KCNIP3: variants seen among roughly 807,000 people sequenced by gnomAD.
KCNIP3 encodes calsenilin.
Under a neutral mutation model 35.0 loss-of-function variants are expected in KCNIP3, and 28 were observed. The ratio of observed to expected loss-of-function variants is 0.80; its 90% CI spans 0.59 to 1.10. The LOEUF (loss-of-function observed/expected upper bound fraction) is 1.10, where lower values mean the gene tolerates loss of function less well. Among genes scored for constraint, KCNIP3 ranks in the 50% least tolerant of loss-of-function variants. KCNIP3 has a pLI of 0.00. For missense variants in KCNIP3, 295 were observed against 338.4 expected (o/e 0.87, Z 1.01); for synonymous variants, 134 against 133.8 (o/e 1.00, Z -0.01).
chr2:95,380,551 C>T lies in KCNIP3; in HGVS notation c.448-1045C>T, dbSNP rs530638530. Among the ~76,000 whole-genome samples the T allele has an allele frequency of 4.6e-5, 7 of 152,278 alleles. No individual in the cohort carries two copies. The South Asian group carries it at 6.2e-4, about 14-fold the overall frequency. On this transcript the variant is annotated intron_variant, in intron 5 of 8. Transcript: ENST00000295225. Reference sequence around the variant, plus strand: ...GTGCAGGGAGGGTTTCACCTTTAAACCTTCCAAGAGGTAGGGGGAAAACCT... The same window carrying T: ...GTGCAGGGAGGGTTTCACCTTTAAATCTTCCAAGAGGTAGGGGGAAAACCT...
intron 5 of KCNIP3, among the ~76,000 whole-genome samples, chr2:95,379,862 C>G (rs1402734428): frequency 6.6e-6 from 1 of 152,174 alleles, no homozygotes; most frequent in Non-Finnish European, 1.5e-5. Context: ...TCCTCTGCAC[C>G]CAATTTGCTG....
rs778205763 is a variant in KCNIP3, at chr2:95,310,429, C to T, written c.90C>T (p.Ile30=). 55 of 1,613,800 alleles carry T rather than the reference C, an allele frequency of 3.4e-5. No homozygotes were observed. Among genetic ancestry groups the T allele is most frequent in the Non-Finnish European group, 4.3e-5 (51 of 1,179,964 alleles). Reference sequence around the variant, plus strand: ...CACCACTTAGCAAGAAGGAGGGTATCAAGTGGCAGAGGCCGAGGCTCAGCC... The same window carrying T: ...CACCACTTAGCAAGAAGGAGGGTATTAAGTGGCAGAGGCCGAGGCTCAGCC... ...GHTPLSKKEG[I]KWQRPRLSRQ... is the part of the protein sequence containing the mutation. The change falls in exon 2 of 9, where the codon ATC becomes ATT. Residue 30 remains isoleucine (I), a synonymous_variant. Transcript: ENST00000295225.
At chr2:95,325,754 TACAC>T (rs949615737) in intron 2 of KCNIP3, among the ~76,000 whole-genome samples, 3 of 143,892 alleles carry the variant, frequency 2.1e-5, no homozygotes, top group African/African-American at 7.8e-5. Flanking sequence ...CACGCACTCA[TACAC>T]ACATACACAC....
intron 2 of KCNIP3, among the ~76,000 whole-genome samples, chr2:95,324,692 C>A (rs1012005167): frequency 3.9e-5 from 6 of 151,984 alleles, no homozygotes; most frequent in Non-Finnish European, 7.4e-5. Context: ...GTGGGCGAAT[C>A]ACAAGGTCAG....
chr2:95,300,621 C>A (rs1475942077), intron 1 of KCNIP3, among the ~76,000 whole-genome samples: 2 of 152,218 alleles, frequency 1.3e-5, no homozygotes, highest in Non-Finnish European at 2.9e-5. Flanking sequence ...TGCTTCCTGC[C>A]CAGGGCTCCC....
At chr2:95,372,990 C>G (rs896838917) in intron 2 of KCNIP3, among the ~76,000 whole-genome samples, 2 of 152,198 alleles carry the variant, frequency 1.3e-5, no homozygotes. Context: ...AGCACAGGAC[C>G]AGTGCCCAGC....
At chr2:95,358,004 G>A (rs6708977) in intron 2 of KCNIP3, among the ~76,000 whole-genome samples, 4 of 152,314 alleles carry the variant, frequency 2.6e-5, no homozygotes, top group Admixed American at 6.5e-5. Context: ...GAGTACTGGT[G>A]GGGGGAGCAT....
intron 1 of KCNIP3, 38 bp downstream of exon 1, chr2:95,297,491 G>T (rs771693043): frequency 7.6e-7 from 1 of 1,314,436 alleles, no homozygotes; most frequent in Non-Finnish European, 1.1e-6. Flanking sequence ...TCTGGAGGGG[G>T]GTCGGGGGGA....
chr2:95,345,589 G>T (rs1303040502), intron 2 of KCNIP3, among the ~76,000 whole-genome samples: 1 of 152,272 alleles, frequency 6.6e-6, no homozygotes, highest in Admixed American at 6.5e-5. Flanking sequence ...TATAGGCGTG[G>T]AGCGGAGCTG....
intron 2 of KCNIP3, among the ~76,000 whole-genome samples, chr2:95,353,966 G>A (rs1220322951): frequency 6.6e-6 from 1 of 152,208 alleles, no homozygotes; most frequent in Admixed American, 6.5e-5. Flanking sequence ...GCACAGGACG[G>A]CCCCAGCACA....
intron 2 of KCNIP3, among the ~76,000 whole-genome samples, chr2:95,330,123 G>C (rs953812680): frequency 4.7e-4 from 71 of 152,330 alleles, no homozygotes; most frequent in African/African-American, 1.7e-3. Flanking sequence ...GCAGGGCTGG[G>C]GTGAGAAGAG....
At chr2:95,317,490 G>A (rs1190425192) in intron 2 of KCNIP3, among the ~76,000 whole-genome samples, 1 of 152,198 alleles carries the variant, frequency 6.6e-6, no homozygotes, top group East Asian at 1.9e-4. Flanking sequence ...CCCAAGGCAG[G>A]AGGACTGAGT....
chr2:95,311,450 C>T (rs2104211303), intron 2 of KCNIP3: 1 of 152,378 alleles, frequency 6.6e-6, no homozygotes, highest in South Asian at 2.1e-4. Context: ...CTCTTGGACC[C>T]TCTCTAGCTG....
At chr2:95,301,830 G>T (rs1207430611) in intron 1 of KCNIP3, among the ~76,000 whole-genome samples, 1 of 152,122 alleles carries the variant, frequency 6.6e-6, no homozygotes, top group Non-Finnish European at 1.5e-5. Flanking sequence ...CTCCAGTGCT[G>T]CCAGAGGGCT....
At chr2:95,356,997 G>T (rs930861960) in intron 2 of KCNIP3, among the ~76,000 whole-genome samples, 2 of 152,188 alleles carry the variant, frequency 1.3e-5, no homozygotes, top group Non-Finnish European at 2.9e-5. Context: ...CCCAGGGACT[G>T]CTGGGCCATG....
At chr2:95,310,844 G>A (rs891553372) in intron 2 of KCNIP3, 6 of 392,038 alleles carry the variant, frequency 1.5e-5, no homozygotes, top group Admixed American at 4.2e-5. Context: ...CACTGCTCAC[G>A]CCCTGAGTAA....
chr2:95,302,875 G>A (rs924048865), intron 1 of KCNIP3, among the ~76,000 whole-genome samples: 28 of 152,152 alleles, frequency 1.8e-4, no homozygotes, highest in African/African-American at 6.5e-4. Flanking sequence ...TGGCACATAC[G>A]AAGCCACTCA....
chr2:95,349,415 G>C (rs1679456833), intron 2 of KCNIP3, among the ~76,000 whole-genome samples: 1 of 152,188 alleles, frequency 6.6e-6, no homozygotes, highest in African/African-American at 2.4e-5. Context: ...GGATTGTTAG[G>C]AACTAATGGA....
At chr2:95,318,682 G>T (rs1177869083) in intron 2 of KCNIP3, among the ~76,000 whole-genome samples, 1 of 152,204 alleles carries the variant, frequency 6.6e-6, no homozygotes, top group East Asian at 1.9e-4. Context: ...GCACAGGGGT[G>T]GTGCCCTGCA....
Sources: gnomAD v4.1 joint callset for allele counts (sites outside exome capture counted in the v4.1 genomes callset) on GRCh38, gnomAD v4.1.1 for gene constraint, MANE v1.5 for transcripts, NCBI Gene and HGNC (gene_info 2026-07-23, HGNC 2026-07-21) for gene names.